IL17RE: variants seen among roughly 807,000 people sequenced by gnomAD.
IL17RE encodes the protein interleukin 17 receptor E.
IL17RE carries 47 observed loss-of-function variants against 70.7 expected under a neutral mutation model. The ratio of observed to expected loss-of-function variants is 0.67; its 90% CI spans 0.53 to 0.85. The LOEUF (loss-of-function observed/expected upper bound fraction) is 0.85. Ranked by LOEUF, IL17RE falls within the 40% of genes least tolerant of loss-of-function variation. The pLI is 0.00. For synonymous variants in IL17RE, 372 were observed against 381.2 expected, an observed-to-expected ratio of 0.98 and a Z score of 0.28; for missense variants, 850 against 893.9, an observed-to-expected ratio of 0.95 and a Z score of 0.63.
At chr3:9,909,128 A>G in intron 7 of IL17RE, 89 bp from the exon 8 acceptor site, 2 of 1,131,612 alleles carry the variant, frequency 1.8e-6, no homozygotes, top group Non-Finnish European at 2.6e-6. Context: ...CTTGCGTCAC[A>G]GTAAGGTAAA....
intron 12 of IL17RE, among the ~76,000 whole-genome samples, chr3:9,912,626 T>C (rs1288616727): frequency 1.3e-5 from 2 of 152,250 alleles, no homozygotes; most frequent in East Asian, 1.9e-4. Context: ...AAACAGTTAT[T>C]TCTTAAATGC....
intron 12 of IL17RE, among the ~76,000 whole-genome samples, chr3:9,911,993 G>A (rs1050249829): frequency 4.6e-5 from 7 of 152,040 alleles, no homozygotes; most frequent in African/African-American, 1.4e-4. Context: ...GTCCCAATCC[G>A]TGAGCCGCAG....
At chr3:9,903,186 C>G (rs1424742974) in intron 1 of IL17RE, 122 bp downstream of exon 1, 1 of 1,022,752 alleles carries the variant, frequency 9.8e-7, no homozygotes, top group Non-Finnish European at 1.5e-6. Flanking sequence ...GATGTGTCCT[C>G]TACCTAGTCT....
chr3:9,904,080 C>G lies in IL17RE; in HGVS notation c.197C>G (p.Thr66Arg). ...CGCACCTGGTGGGCCCTCTTCTCCA[C>G]AAAGCCTTGGTGTGTGCGAGTCTGG... The part of the protein sequence containing the change: ...PCRTWWALFS[T>R]KPWCVRVWHC... Residue 66 changes from threonine to arginine, a missense_variant, in exon 3 of 16, where the codon ACA becomes AGA. By Grantham distance (71) the Thr-to-Arg change is moderately conservative. Coordinates refer to ENST00000383814, the MANE Select transcript of IL17RE (RefSeq NM_153480.2). 3.1e-6 allele frequency: 5 copies of G among 1,614,190 alleles called. No individual in the cohort carries two copies. Among genetic ancestry groups the G allele is most frequent in the Non-Finnish European group, 4.2e-6 (5 of 1,180,036 alleles).
At chr3:9,905,107 AAAAAAAAAAAAAG>A (rs1324018633) in intron 3 of IL17RE, among the ~76,000 whole-genome samples, 23 of 150,832 alleles carry the variant, frequency 1.5e-4, no homozygotes, top group African/African-American at 5.4e-4. Context: ...AAAAAAAAAA[AAAAAAAAAAAAAG>A]AATAGGCAGT....
intron 3 of IL17RE, among the ~76,000 whole-genome samples, chr3:9,905,870 C>T (rs1244809458): frequency 6.6e-6 from 1 of 152,108 alleles, no homozygotes; most frequent in Non-Finnish European, 1.5e-5. Context: ...GTATATATAG[C>T]TTTTTCTCTG....
At position 9,915,629 on chromosome 3, in the gene IL17RE, C is replaced by T; in HGVS notation, c.1826C>T (p.Ala609Val). Residue 609 changes from alanine to valine, a missense_variant, in exon 16 of 16, where the codon GCC becomes GTC. Physicochemically the swap from Ala to Val is moderately conservative, Grantham distance 64. Coordinates refer to ENST00000383814, the MANE Select transcript of IL17RE (RefSeq NM_153480.2). The surrounding 1 kb of genome is among the most constrained non-coding windows in gnomAD (Gnocchi z 4.9). ...AKGDIPPPLR[A>V]LPRYRLLRDL... is the part of the protein sequence containing the mutation. ...GGCGACATCCCCCCGCCGCTGCGCG[C>T]CCTGCCGCGCTACCGCCTGCTGCGC... is the stretch of plus-strand genomic sequence containing the variant. The T allele has an allele frequency of 1.4e-6, 2 of 1,414,368 alleles. No homozygotes were observed. Among genetic ancestry groups the T allele is most frequent in the Non-Finnish European group, 1.8e-6 (2 of 1,089,192 alleles). 87.6% of individuals were successfully genotyped at this position (1,414,368 alleles called of 1,614,324 possible). A position where few individuals can be genotyped will look rare whatever the true frequency, so the allele number is the denominator to read the frequency against.
In IL17RE at chr3:9,903,014, T is replaced by G; in HGVS notation, c.82T>G (p.Phe28Val). ...IDLSDSAGIG[F>V]RHLPHWNTRC... is the part of the protein sequence containing the mutation. ...CCTCTCTGACTCTGCTGGGATTGGC[T>G]TTCGCCACCTGCCCCACTGGAACAC... The change falls in exon 1 of 16, where the codon TTT becomes GTT. Residue 28 changes from phenylalanine (F) to valine (V), a missense_variant. Phe to Val is a conservative substitution (Grantham distance 50). Coordinates refer to ENST00000383814, the MANE Select transcript of IL17RE (RefSeq NM_153480.2). 6.2e-7 allele frequency: 1 copy of G among 1,614,206 alleles called. No individual in the cohort carries two copies. The highest frequency in any genetic ancestry group is 2.2e-5 in the East Asian group (1 of 44,880).
At position 9,915,326 on chromosome 3, in the gene IL17RE, TG is replaced by T; in HGVS notation, c.1525del (p.Ala509LeufsTer14). The T allele has an allele frequency of 7.2e-7, 1 of 1,397,096 alleles. No individual in the cohort carries two copies. The highest frequency in any genetic ancestry group is 1.6e-5 in the South Asian group (1 of 62,466). The allele number at this position is 1,397,096 out of a possible 1,614,324, so 86.5% of individuals were successfully genotyped here. ...SEAQRRLVGALAELLRAALGG... is the reference protein window; with the variant it reads ...SEAQRRLVGAXAELLRAALGG... ...GCGCAGCGGCGCCTGGTGGGAGCGC[TG>T]GCTGAACTGCTACGGGCAGCGCTGG... On this transcript the variant is annotated frameshift_variant, in exon 16 of 16. Coordinates refer to ENST00000383814, the MANE Select transcript of IL17RE (RefSeq NM_153480.2). LOFTEE classifies it low-confidence loss of function (END_TRUNC). This position sits in a 1 kb window ranked among gnomAD's most constrained non-coding sequence, Gnocchi z 4.9.
chr3:9,911,271 G>A lies in IL17RE; in HGVS notation c.1043G>A (p.Ser348Asn), dbSNP rs1170571723. 1 of 1,614,170 alleles carries A rather than the reference G, an allele frequency of 6.2e-7. No homozygotes were observed. The highest frequency in any genetic ancestry group is 1.7e-5 in the Admixed American group (1 of 60,008). ...QLCFKFSFGN[S>N]SHVECPHQTG... The stretch of plus-strand genomic sequence containing the variant: ...ATTTCTCAGTTCTCTTTTGGAAACA[G>A]CAGCCATGTTGAATGCCCCCACCAG... The change falls in exon 11 of 16, where the codon AGC (serine) becomes AAC (asparagine). Residue 348 changes from serine to asparagine, a missense_variant. Transcript: ENST00000383814.
chr3:9,914,517 C>G, intron 13 of IL17RE, 31 bp from the exon 14 acceptor site: 1 of 1,612,878 alleles, frequency 6.2e-7, no homozygotes. Context: ...AGATGCCTGG[C>G]TCATAGGGGT....
chr3:9,907,387 A>T (rs6796055), intron 6 of IL17RE, among the ~76,000 whole-genome samples: 21,018 of 150,294 alleles, frequency 0.14, 1,655 homozygotes, highest in Admixed American at 0.2. Context: ...ATAAATAAAT[A>T]AATTAATTAA....
chr3:9,915,817 C>A lies in IL17RE; in HGVS notation c.*10C>A. The A allele has an allele frequency of 6.7e-7, 1 of 1,501,728 alleles. No homozygotes were observed. Among genetic ancestry groups the A allele is most frequent in the South Asian group, 1.3e-5 (1 of 78,804 alleles). The allele number at this position is 1,501,728 out of a possible 1,614,324, so 93.0% of individuals were successfully genotyped here. Reference sequence around the variant, plus strand: ...TGCAGACCTAGGTTGAGCAGAGCTCCACCGCAGTCCCGGGTGTCTGCGGCC... The same window carrying A: ...TGCAGACCTAGGTTGAGCAGAGCTCAACCGCAGTCCCGGGTGTCTGCGGCC... On this transcript the variant is annotated 3_prime_UTR_variant, in exon 16 of 16. Coordinates refer to ENST00000383814, the MANE Select transcript of IL17RE (RefSeq NM_153480.2). This position sits in a 1 kb window ranked among gnomAD's most constrained non-coding sequence, Gnocchi z 4.9.
At chr3:9,907,646 T>A (rs1205027538) in intron 6 of IL17RE, among the ~76,000 whole-genome samples, 1 of 152,172 alleles carries the variant, frequency 6.6e-6, no homozygotes, top group African/African-American at 2.4e-5. Flanking sequence ...TAATTAAAAA[T>A]TTAAAAAGCC....
rs548679080 is a variant in IL17RE, at chr3:9,914,498, G to A, written c.1297-50G>A. On this transcript the variant is annotated intron_variant, in intron 13 of 15. Coordinates refer to ENST00000383814, the MANE Select transcript of IL17RE (RefSeq NM_153480.2). ...AGCTCCATGCTTCACTCAGCTCCCC[G>A]GGAGGAGAAGATGCCTGGCTCATAG... is the stretch of plus-strand genomic sequence containing the variant. 2.5e-5 allele frequency: 40 copies of A among 1,609,898 alleles called. No homozygotes were observed. Among genetic ancestry groups the A allele is most frequent in the Non-Finnish European group, 2.7e-5 (32 of 1,178,366 alleles).
At chr3:9,912,688 A>G (rs748427276) in intron 12 of IL17RE, among the ~76,000 whole-genome samples, 5 of 152,198 alleles carry the variant, frequency 3.3e-5, no homozygotes, top group Admixed American at 2.6e-4. Flanking sequence ...TCCCAAGCAG[A>G]CAGGTGATAG....
intron 8 of IL17RE, chr3:9,909,920 G>A (rs2082851385): frequency 6.6e-6 from 1 of 152,342 alleles, no homozygotes; most frequent in Admixed American, 6.5e-5. Context: ...CCTGAGCTGG[G>A]GTCAGAAAAA....
intron 15 of IL17RE, 40 bp downstream of exon 15, chr3:9,914,817 C>T: frequency 2.6e-6 from 4 of 1,533,394 alleles, no homozygotes; most frequent in Non-Finnish European, 3.6e-6. Flanking sequence ...CAGACCTGCC[C>T]AGCTCGGAGA....
intron 3 of IL17RE, among the ~76,000 whole-genome samples, chr3:9,905,334 T>C (rs2082728691): frequency 6.6e-6 from 1 of 151,194 alleles, no homozygotes. Context: ...TGCATGCCTG[T>C]AATCCCAGCT....
Sources: gnomAD v4.1 joint callset for allele counts (sites outside exome capture counted in the v4.1 genomes callset) on GRCh38, gnomAD v4.1.1 for gene constraint, Gnocchi (gnomAD v3.1) non-coding constraint, MANE v1.5 for transcripts, NCBI Gene and HGNC (gene_info 2026-07-23, HGNC 2026-07-21) for gene names.